The following INPP4B variants were observed in gnomAD, a reference collection of about 807,000 sequenced individuals.
The protein encoded by INPP4B is inositol polyphosphate-4-phosphatase type II B, also known as inositol polyphosphate 4-phosphatase type II.
A neutral mutation model predicts 122.5 loss-of-function variants in INPP4B; 55 were observed. The ratio of observed to expected loss-of-function variants is 0.45; its 90% confidence interval spans 0.36 to 0.56. The LOEUF is 0.56. Ranked by LOEUF, INPP4B falls within the 20% of genes least tolerant of loss-of-function variation. The probability of loss-of-function intolerance (pLI) is 0.00; values close to 1 mark genes in which losing one functional copy is unlikely to be tolerated. For missense variants in INPP4B, 1,000 were observed against 1,097.7 expected (o/e 0.91, Z 1.26); for synonymous variants, 403 against 388.7 (o/e 1.04, Z -0.43).
In INPP4B at chr4:142,078,555, C is replaced by T. The variant is rs148867103; in HGVS notation, c.2642+3476G>A. On this transcript the variant is annotated intron_variant, in intron 25 of 25. Coordinates refer to ENST00000262992, the MANE Select transcript of INPP4B (RefSeq NM_001101669.3). ...AAATATAGTAGTGAACAAAGAGAAA[C>T]GAAAATCTCTACCTTCAGAGAGCTG... is the stretch of plus-strand genomic sequence containing the variant. Among the ~76,000 whole-genome samples the T allele has an allele frequency of 3.7e-3, 558 of 152,000 alleles. 3 individuals are homozygous for T. The highest frequency in any genetic ancestry group is 0.012 in the African/African-American group (507 of 41,512).
chr4:142,094,811 C>G lies in INPP4B; in HGVS notation c.2375-8555G>C, dbSNP rs1781143586. ...TCCTGGAGGCAAGGAAGAATGAGGT[C>G]TTGAATCTTTCTTACTATATAGAAT... On this transcript the variant is annotated intron_variant, in intron 23 of 25. Coordinates refer to ENST00000262992, the MANE Select transcript of INPP4B (RefSeq NM_001101669.3). 2.0e-5 allele frequency among the ~76,000 whole-genome samples: 3 copies of G among 152,106 alleles called. No individual in the cohort carries two copies. In the South Asian group the frequency reaches 6.2e-4, roughly 32 times the overall value.
chr4:142,771,020 C>T (rs1039497252), intron 1 of INPP4B, among the ~76,000 whole-genome samples: 4 of 152,138 alleles, frequency 2.6e-5, no homozygotes, highest in African/African-American at 7.2e-5. Context: ...ACAAATGCAT[C>T]CTGCACCCAG....
chr4:142,690,467 T>C (rs1379413078), intron 2 of INPP4B, among the ~76,000 whole-genome samples: 1 of 152,200 alleles, frequency 6.6e-6, no homozygotes, highest in Non-Finnish European at 1.5e-5. Context: ...TGGTTTTATT[T>C]GCTGCCTCCT....
chr4:142,503,671 G>A (rs1004767679), intron 2 of INPP4B, among the ~76,000 whole-genome samples: 2 of 152,048 alleles, frequency 1.3e-5, no homozygotes, highest in African/African-American at 4.8e-5. Context: ...GGATTTACAA[G>A]AAGAATAGGT....
chr4:142,112,489 G>A, intron 22 of INPP4B, 53 bp downstream of exon 22: 1 of 1,593,930 alleles, frequency 6.3e-7, no homozygotes, highest in South Asian at 1.1e-5. Context: ...CTCATCATAT[G>A]CTTAAAAGGA....
At chr4:142,654,552 A>G (rs1450826872) in intron 2 of INPP4B, 1 of 152,070 alleles carries the variant, frequency 6.6e-6, no homozygotes, top group African/African-American at 2.4e-5. Flanking sequence ...CTGCTATTAT[A>G]TTATTGTATC....
intron 9 of INPP4B, among the ~76,000 whole-genome samples, chr4:142,274,801 G>A (rs1214488478): frequency 6.6e-6 from 1 of 151,768 alleles, no homozygotes; most frequent in Non-Finnish European, 1.5e-5. Context: ...TGTCATTTCA[G>A]ATAGTGTATT....
chr4:142,560,309 C>A (rs1024642499), intron 2 of INPP4B: 5 of 152,238 alleles, frequency 3.3e-5, no homozygotes, highest in Non-Finnish European at 7.3e-5. Context: ...ACAAGACAAT[C>A]AGGCTCCTCT....
chr4:142,171,342 A>T (rs1825548069), intron 16 of INPP4B, among the ~76,000 whole-genome samples: 4 of 151,878 alleles, frequency 2.6e-5, no homozygotes, highest in Admixed American at 2.6e-4. Flanking sequence ...AGTCCCTAAG[A>T]AAACAACACT....
At chr4:142,285,444 A>G (rs985902088) in intron 9 of INPP4B, among the ~76,000 whole-genome samples, 1 of 151,964 alleles carries the variant, frequency 6.6e-6, no homozygotes, top group Non-Finnish European at 1.5e-5. Context: ...ATGACCTCAG[A>G]TATACCATGA....
chr4:142,524,749 G>C (rs1168916291), intron 2 of INPP4B, among the ~76,000 whole-genome samples: 1 of 151,990 alleles, frequency 6.6e-6, no homozygotes, highest in Non-Finnish European at 1.5e-5. Flanking sequence ...AAAATAATAA[G>C]AGCTATCTAT....
At chr4:142,819,931 G>A (rs150205699) in intron 1 of INPP4B, among the ~76,000 whole-genome samples, 26 of 152,084 alleles carry the variant, frequency 1.7e-4, no homozygotes, top group East Asian at 3.9e-4. Context: ...GCCTCGAGCC[G>A]AGGCTAAAAT....
chr4:142,717,874 GAACTT>G (rs1007649644), intron 2 of INPP4B, among the ~76,000 whole-genome samples: 36 of 112,228 alleles, frequency 3.2e-4, no homozygotes, highest in African/African-American at 1.3e-3. Context: ...ATGTACCTTA[GAACTT>G]AACATATAAT....
At chr4:142,259,413 G>A (rs1303858940) in intron 11 of INPP4B, among the ~76,000 whole-genome samples, 2 of 151,360 alleles carry the variant, frequency 1.3e-5, no homozygotes, top group African/African-American at 4.8e-5. Context: ...ATCAACAAGA[G>A]GGGTAGAAGA....
intron 15 of INPP4B, among the ~76,000 whole-genome samples, chr4:142,175,505 G>C (rs1827730414): frequency 6.6e-6 from 1 of 152,114 alleles, no homozygotes; most frequent in African/African-American, 2.4e-5. Context: ...GATTTATGAA[G>C]GCTAAGAAAC....
chr4:142,504,030 A>G (rs1379990100), intron 2 of INPP4B, among the ~76,000 whole-genome samples: 5 of 152,080 alleles, frequency 3.3e-5, no homozygotes, highest in African/African-American at 9.6e-5. Flanking sequence ...AATCTAGACA[A>G]AATTGGAATC....
chr4:142,694,588 A>C (rs1404131661), intron 2 of INPP4B, among the ~76,000 whole-genome samples: 1 of 152,156 alleles, frequency 6.6e-6, no homozygotes, highest in African/African-American at 2.4e-5. Flanking sequence ...CCACTTCTGT[A>C]ATATTTTTTA....
chr4:142,076,205 T>G (rs1770610851), intron 25 of INPP4B, among the ~76,000 whole-genome samples: 2 of 152,042 alleles, frequency 1.3e-5, no homozygotes, highest in Non-Finnish European at 2.9e-5. Context: ...TAGAATACTA[T>G]GACAATCTTG....
intron 25 of INPP4B, among the ~76,000 whole-genome samples, chr4:142,044,400 T>TGTAA (rs201941526): frequency 0.013 from 2,041 of 152,116 alleles, 35 homozygotes; most frequent in African/African-American, 0.047. Flanking sequence ...AGACTTACTG[T>TGTAA]GTAAGTAAGT....
Sources: allele counts gnomAD v4.1 joint callset (sites outside exome capture counted in the v4.1 genomes callset), GRCh38; gene constraint gnomAD v4.1.1; transcripts MANE v1.5; gene names NCBI Gene and HGNC (gene_info 2026-07-23, HGNC 2026-07-21).